The following FANCD2 variants were observed in gnomAD, a reference collection of about 807,000 sequenced individuals.
FANCD2 encodes FA complementation group D2.
Under a neutral mutation model 192.3 loss-of-function variants are expected in FANCD2, and 131 were observed. The observed-to-expected ratio is 0.68, with a 90% CI of 0.59 to 0.79. The LOEUF (loss-of-function observed/expected upper bound fraction) is 0.79, where lower values mean the gene tolerates loss of function less well. FANCD2 is among the 30% of genes least tolerant of loss of function. The pLI is 0.00. For missense variants in FANCD2, 1,508 were observed against 1,701.6 expected (o/e 0.89, Z 2.00); for synonymous variants, 524 against 612.5 (o/e 0.86, Z 2.13).
Position 10,041,719 on chromosome 3 carries a change from G to A in FANCD2, c.783+9G>A. On this transcript the variant is annotated intron_variant, in intron 10 of 43. Coordinates refer to ENST00000675286, the MANE Select transcript of FANCD2 (RefSeq NM_001018115.3). Reference sequence around the variant, plus strand: ...CAAACTTCCTATTGAAGGTAGAAAAGACTCAGCTTTCCAGAAACAGAGCCA... The same window carrying A: ...CAAACTTCCTATTGAAGGTAGAAAAAACTCAGCTTTCCAGAAACAGAGCCA... 6.2e-7 allele frequency: 1 copy of A among 1,608,540 alleles called. No homozygotes were observed. Among genetic ancestry groups the A allele is most frequent in the Non-Finnish European group, 8.5e-7 (1 of 1,175,108 alleles).
rs2125081323 is a variant in FANCD2 at position 10,090,281 on chromosome 3, C to T, written c.3684-11C>T. On this transcript the variant is annotated splice_polypyrimidine_tract_variant and intron_variant, in intron 36 of 43. Coordinates refer to ENST00000675286, the MANE Select transcript of FANCD2 (RefSeq NM_001018115.3). ...CATGGTGTGGGCACGCATGCTTTTC[C>T]CGTCTTCTAGGCATACTTTTGTTGT... The T allele has an allele frequency of 6.2e-7, 1 of 1,608,208 alleles. No homozygotes were observed. The highest frequency in any genetic ancestry group is 2.2e-5 in the East Asian group (1 of 44,786).
chr3:10,042,894 G>A (rs572288778), intron 11 of FANCD2, among the ~76,000 whole-genome samples, 156 bp from the exon 12 acceptor site: 2 of 152,170 alleles, frequency 1.3e-5, no homozygotes, highest in Non-Finnish European at 2.9e-5. Context: ...CTATGACATT[G>A]CATTGGCTAT....
At position 10,073,953 on chromosome 3, in the gene FANCD2, T is replaced by G. The variant is rs34698410; in HGVS notation, c.2716-577T>G. On this transcript the variant is annotated intron_variant, in intron 28 of 43. Transcript: ENST00000675286. ...AAGCTCACAGTTTTTTGTTTTTTGT[T>G]TTTTGTTTTTGAGATGGAGTCTCAC... 1.7e-3 allele frequency among the ~76,000 whole-genome samples: 256 copies of G among 152,164 alleles called. 1 individual carries two copies. Among genetic ancestry groups the G allele is most frequent in the African/African-American group, 5.9e-3 (247 of 41,518 alleles).
In FANCD2 at chr3:10,034,724, G is replaced by C; in HGVS notation, c.303G>C (p.Glu101Asp). The C allele has an allele frequency of 6.4e-7, 1 of 1,571,442 alleles. No homozygotes were observed. Among genetic ancestry groups the C allele is most frequent in the Non-Finnish European group, 8.6e-7 (1 of 1,157,950 alleles). ...KIIEEFVSGL[E>D]SYIEDEDSFR... ...TAGAAGAATTTGTTAGTGGCCTGGA[G>C]TCTTACATTGAGGATGAAGACAGTT... Residue 101 changes from glutamate to aspartate, a missense_variant, in exon 5 of 44, where the codon GAG becomes GAC. By Grantham distance (45) the Glu-to-Asp change is conservative. Around this residue, in one of 5 missense-constraint regions of FANCD2, gnomAD observed 435 missense variants for 421.9 expected, o/e 1.03. Coordinates refer to ENST00000675286, the MANE Select transcript of FANCD2 (RefSeq NM_001018115.3).
rs1694510786 is a variant in FANCD2 at position 10,090,298 on chromosome 3, T to G, written c.3690T>G (p.Thr1230=). The G allele has an allele frequency of 4.3e-6, 7 of 1,613,078 alleles. No individual in the cohort carries two copies. The highest frequency in any genetic ancestry group is 5.9e-6 in the Non-Finnish European group (7 of 1,179,452). The change falls in exon 37 of 44, where the codon ACT becomes ACG. Residue 1230 remains threonine (T), a synonymous_variant. Transcript: ENST00000675286. Reference sequence around the variant, plus strand: ...TGCTTTTCCCGTCTTCTAGGCATACTTTTGTTGTTTTCTTCCGTGTGATGA... The same window carrying G: ...TGCTTTTCCCGTCTTCTAGGCATACGTTTGTTGTTTTCTTCCGTGTGATGA... ...SSTFPTLTRH[T]FVVFFRVMMA...
intron 3 of FANCD2, 101 bp downstream of exon 3, chr3:10,033,073 A>C: frequency 3.0e-6 from 3 of 1,014,062 alleles, no homozygotes; most frequent in Non-Finnish European, 4.6e-6. Context: ...TAGAAATCAG[A>C]GGGCCATCCA....
chr3:10,046,946 G>A (rs1159154792), intron 15 of FANCD2, among the ~76,000 whole-genome samples: 1 of 152,280 alleles, frequency 6.6e-6, no homozygotes. Context: ...GAGGGGAATA[G>A]GACCAGCCTG....
In FANCD2 at chr3:10,060,297, G is replaced by A. The variant is rs1163160419; in HGVS notation, c.1660G>A (p.Asp554Asn). ...TTTCTTCATCATCTCATTGCAGGAT[G>A]ACATGCACTTGGTGATAAGAAAGCA... ...QNEASSHIQD[D>N]MHLVIRKQLS... The change falls in exon 19 of 44, where the codon GAC becomes AAC. Residue 554 changes from aspartate to asparagine, a missense_variant. This residue lies in a region of FANCD2 where 110 missense variants were observed against 114.4 expected (regional missense o/e 0.96). Transcript: ENST00000675286. 1 of 1,606,080 alleles carries A rather than the reference G, an allele frequency of 6.2e-7. No individual in the cohort carries two copies. The highest frequency in any genetic ancestry group is 1.3e-5 in the African/African-American group (1 of 74,678).
chr3:10,092,362 T>C, intron 38 of FANCD2, 110 bp downstream of exon 38: 1 of 847,792 alleles, frequency 1.2e-6, no homozygotes, highest in Non-Finnish European at 2.0e-6. Flanking sequence ...CCTTGGGGCC[T>C]GCTCTCCCTG....
intron 17 of FANCD2, among the ~76,000 whole-genome samples, chr3:10,052,006 A>G (rs1205578856): frequency 6.6e-6 from 1 of 152,202 alleles, no homozygotes; most frequent in African/African-American, 2.4e-5. Flanking sequence ...CACTGAAAAA[A>G]AAGGGAAAGG....
intron 18 of FANCD2, among the ~76,000 whole-genome samples, chr3:10,058,727 C>A (rs1054799106): frequency 2.0e-5 from 3 of 152,190 alleles, no homozygotes; most frequent in African/African-American, 7.2e-5. Flanking sequence ...CTGCCATCAC[C>A]ACACTGTTTT....
At chr3:10,082,566 C>T (rs1007177915) in intron 32 of FANCD2, among the ~76,000 whole-genome samples, 6 of 152,160 alleles carry the variant, frequency 3.9e-5, no homozygotes, top group Non-Finnish European at 8.8e-5. Context: ...CTGCCTCCAG[C>T]CTCACTGAAT....
intron 9 of FANCD2, chr3:10,041,038 A>C (rs958023422): frequency 6.1e-6 from 1 of 164,620 alleles, no homozygotes; most frequent in Non-Finnish European, 1.3e-5. Flanking sequence ...TCAAAAACAT[A>C]CAAAAATTAG....
In FANCD2 at chr3:10,032,934, G is replaced by A. The variant is rs370316786; in HGVS notation, c.167G>A (p.Gly56Glu). The part of the protein sequence containing the change: ...SIFVKLLKIS[G>E]IILKTGESQN... ...TTTGTAAAGCTTCTTAAGATATCAG[G>A]AATTATTCTTAAAACGGGAGAGAGT... The change falls in exon 3 of 44, where the codon GGA (glycine) becomes GAA (glutamate). Residue 56 changes from glycine (G) to glutamate (E), a missense_variant. Around this residue, in one of 5 missense-constraint regions of FANCD2, gnomAD observed 435 missense variants for 421.9 expected, o/e 1.03. Transcript: ENST00000675286. 1.3e-6 allele frequency: 2 copies of A among 1,591,828 alleles called. No individual in the cohort carries two copies. The highest frequency in any genetic ancestry group is 1.7e-6 in the Non-Finnish European group (2 of 1,160,150).
chr3:10,070,292 G>C (rs1358917338), intron 26 of FANCD2, among the ~76,000 whole-genome samples: 2 of 150,342 alleles, frequency 1.3e-5, no homozygotes, highest in Non-Finnish European at 3.0e-5. Context: ...GAAGTGAGGA[G>C]CGTCTCCGCC....
chr3:10,076,291 T>C (rs1462201505), intron 29 of FANCD2, among the ~76,000 whole-genome samples: 1 of 151,878 alleles, frequency 6.6e-6, no homozygotes, highest in Admixed American at 6.6e-5. Flanking sequence ...AGTCTTTTTT[T>C]TTTTTCCCAA....
At chr3:10,066,746 A>G (rs1324342978) in intron 25 of FANCD2, among the ~76,000 whole-genome samples, 2 of 152,026 alleles carry the variant, frequency 1.3e-5, no homozygotes, top group Admixed American at 1.3e-4. Context: ...TTTTTTTGAG[A>G]CAGAGTCTTG....
At chr3:10,092,674 T>A in intron 38 of FANCD2, among the ~76,000 whole-genome samples, 1 of 137,242 alleles carries the variant, frequency 7.3e-6, no homozygotes, top group African/African-American at 2.8e-5. Context: ...TCTCTCCACC[T>A]CTTTCATGTC....
At chr3:10,067,614 A>G (rs561689113) in intron 26 of FANCD2, among the ~76,000 whole-genome samples, 6 of 152,328 alleles carry the variant, frequency 3.9e-5, no homozygotes, top group East Asian at 1.9e-4. Context: ...CCTGGCCAAC[A>G]TGGTGAAACC....
Sources: allele counts gnomAD v4.1 joint callset (sites outside exome capture counted in the v4.1 genomes callset), GRCh38; gene constraint gnomAD v4.1.1; regional missense constraint gnomAD v4.1.1; transcripts MANE v1.5; gene names NCBI Gene and HGNC (gene_info 2026-07-23, HGNC 2026-07-21).